The following LAMP1 variants were observed in gnomAD, a reference collection of about 807,000 sequenced individuals.
LAMP1 encodes lysosome associated membrane protein 1.
LAMP1 carries 7 observed loss-of-function variants against 37.5 expected under a neutral mutation model. That is an observed-to-expected ratio of 0.19 (90% CI 0.11 to 0.35). LAMP1 has a LOEUF of 0.35. Ranked by LOEUF, LAMP1 falls within the 10% of genes least tolerant of loss-of-function variation. LAMP1 has a pLI of 1.00. For synonymous variants in LAMP1, 236 were observed against 229.1 expected, an observed-to-expected ratio of 1.03 and a Z score of -0.27; for missense variants, 537 against 552.8, an observed-to-expected ratio of 0.97 and a Z score of 0.29.
chr13:113,301,627 TAAAAA>T (rs1161593860), intron 1 of LAMP1, among the ~76,000 whole-genome samples: 376 of 9,220 alleles, frequency 0.041, 4 homozygotes, highest in African/African-American at 0.07. Context: ...TGTTTCCATT[TAAAAA>T]AAAAAAAAAA....
At chr13:113,309,584 C>A in intron 2 of LAMP1, 59 bp from the exon 3 acceptor site, 1 of 1,321,154 alleles carries the variant, frequency 7.6e-7, no homozygotes, top group Non-Finnish European at 1.1e-6. Context: ...AAATCTCTTT[C>A]TTTGAACTTT....
intron 2 of LAMP1, 96 bp downstream of exon 2, chr13:113,306,702 A>G (rs2042600512): frequency 6.5e-6 from 9 of 1,393,824 alleles, no homozygotes; most frequent in South Asian, 2.6e-5. Flanking sequence ...CCCCATCTGA[A>G]CATGGTGCTT....
intron 1 of LAMP1, among the ~76,000 whole-genome samples, chr13:113,299,300 C>T (rs923529300): frequency 3.8e-4 from 57 of 150,960 alleles, no homozygotes; most frequent in Admixed American, 5.9e-4. Context: ...CGGAGTTGCT[C>T]TGTGCCCAGG....
rs199777509 is a variant in LAMP1, at chr13:113,310,858, AGCC to A, written c.555_557del (p.Ser185del). On this transcript the variant is annotated inframe_deletion, in exon 4 of 9. Transcript: ENST00000332556. ...GGCGTACCTTTCCAACAGCAGCTTCAGCCGGGGAGGTAGGACGCTGACCCTTGG... is the reference window on the plus strand; with the variant it reads ...GGCGTACCTTTCCAACAGCAGCTTCAGGGGAGGTAGGACGCTGACCCTTGG... The A allele has an allele frequency of 1.7e-3, 2,763 of 1,613,544 alleles. 50 individuals carry two copies. The African/African-American group carries it at 0.033, about 19-fold the overall frequency.
intron 4 of LAMP1, among the ~76,000 whole-genome samples, chr13:113,319,194 C>T (rs2042683370): frequency 6.6e-6 from 1 of 152,192 alleles, no homozygotes; most frequent in Admixed American, 6.5e-5. Context: ...GTGGGCGGTG[C>T]CTGCTGCCCA....
At chr13:113,303,270 A>G (rs145044297) in intron 1 of LAMP1, among the ~76,000 whole-genome samples, 104 of 152,322 alleles carry the variant, frequency 6.8e-4, no homozygotes, top group African/African-American at 2.4e-3. Context: ...AGAAGCACGC[A>G]TGCTTCCCAC....
At chr13:113,315,316 G>T (rs1173184161) in intron 4 of LAMP1, among the ~76,000 whole-genome samples, 3 of 151,834 alleles carry the variant, frequency 2.0e-5, no homozygotes. Flanking sequence ...TGCCTGGGGC[G>T]CGGCGTCCTG....
chr13:113,320,404 C>T lies in LAMP1; in HGVS notation c.810C>T (p.Gly270=), dbSNP rs373542595. Residue 270 remains glycine (G), a synonymous_variant, in exon 6 of 9, where the codon GGC becomes GGT. Coordinates refer to ENST00000332556, the MANE Select transcript of LAMP1 (RefSeq NM_005561.4). The surrounding 1 kb of genome is among the most constrained non-coding windows in gnomAD (Gnocchi z 4.4). ...PNKTSASGSC[G]AHLVTLELHS... ...AGACCTCGGCCAGCGGGAGCTGCGG[C>T]GCCCACCTGGTGACTCTGGAGCTGC... is the stretch of plus-strand genomic sequence containing the variant. The T allele has an allele frequency of 4.5e-5, 73 of 1,612,974 alleles. No individual in the cohort carries two copies. In the East Asian group the frequency reaches 6.9e-4, roughly 15 times the overall value.
rs957474994 is a variant in LAMP1, at chr13:113,297,990, C to A, written c.61+495C>A. ...GGGAGAAGCCGGTGCGAGCATTCCC[C>A]ACCTTTGTACTTGAACCTTTCTCCT... On this transcript the variant is annotated intron_variant, in intron 1 of 8. Coordinates refer to ENST00000332556, the MANE Select transcript of LAMP1 (RefSeq NM_005561.4). This position sits in a 1 kb window ranked among gnomAD's most constrained non-coding sequence, Gnocchi z 4.4. Among the ~76,000 whole-genome samples the A allele has an allele frequency of 6.6e-6, 1 of 152,202 alleles. No individual in the cohort carries two copies. Among genetic ancestry groups the A allele is most frequent in the Non-Finnish European group, 1.5e-5 (1 of 68,042 alleles).
intron 1 of LAMP1, among the ~76,000 whole-genome samples, chr13:113,302,503 A>G (rs545845454): frequency 2.6e-5 from 4 of 152,320 alleles, no homozygotes; most frequent in African/African-American, 9.6e-5. Flanking sequence ...CTAATTTTTT[A>G]AAATGAAGTT....
At chr13:113,319,032 G>A (rs1238824389) in intron 4 of LAMP1, among the ~76,000 whole-genome samples, 1 of 152,222 alleles carries the variant, frequency 6.6e-6, no homozygotes, top group African/African-American at 2.4e-5. Context: ...CAGTGTCTGA[G>A]TCGTCACCAT....
At chr13:113,300,486 C>CAAAAAAAAAAAA (rs781688099) in intron 1 of LAMP1, among the ~76,000 whole-genome samples, 3 of 60,236 alleles carry the variant, frequency 5.0e-5, no homozygotes, top group Non-Finnish European at 1.1e-4. Flanking sequence ...AACTCAATGT[C>CAAAAAAAAAAAA]AAAAAAAAAA....
At chr13:113,311,880 A>G (rs757923539) in intron 4 of LAMP1, among the ~76,000 whole-genome samples, 10 of 152,206 alleles carry the variant, frequency 6.6e-5, no homozygotes, top group Non-Finnish European at 1.3e-4. Context: ...CGAGCCTCAC[A>G]GTCCAGGTCA....
intron 4 of LAMP1, among the ~76,000 whole-genome samples, chr13:113,317,907 C>G (rs2042675362): frequency 6.6e-6 from 1 of 152,198 alleles, no homozygotes; most frequent in East Asian, 1.9e-4. Flanking sequence ...CCAGGCTGGC[C>G]TTGAACTCCT....
intron 2 of LAMP1, among the ~76,000 whole-genome samples, chr13:113,308,204 CG>C (rs1037847066): frequency 2.6e-4 from 39 of 151,404 alleles, no homozygotes; most frequent in African/African-American, 5.1e-4. Context: ...TTAGTAGAGA[CG>C]GGGTTTTGCT....
intron 1 of LAMP1, among the ~76,000 whole-genome samples, chr13:113,300,975 C>T (rs950237670): frequency 1.3e-5 from 2 of 152,192 alleles, no homozygotes; most frequent in Non-Finnish European, 2.9e-5. Flanking sequence ...AGCCCCATCC[C>T]AGACAACGTT....
At position 113,297,397 on chromosome 13, in the gene LAMP1, G is replaced by GC; in HGVS notation, c.-33dup. ...AGTCCGCGGCCCAACCGCCGCCCGCGCCCCCGCTCCCCGCACCGTACCCGG... is the reference window on the plus strand; with the variant it reads ...AGTCCGCGGCCCAACCGCCGCCCGCGCCCCCCGCTCCCCGCACCGTACCCGG... On this transcript the variant is annotated 5_prime_UTR_variant, in exon 1 of 9. Transcript: ENST00000332556. This position sits in a 1 kb window ranked among gnomAD's most constrained non-coding sequence, Gnocchi z 4.4. 1.7e-6 allele frequency: 1 copy of GC among 600,806 alleles called. No individual in the cohort carries two copies. The highest frequency in any genetic ancestry group is 5.9e-5 in the South Asian group (1 of 16,894). The allele number at this position is 600,806 out of a possible 1,614,324, so 37.2% of individuals were successfully genotyped here. A position where few individuals can be genotyped will look rare whatever the true frequency, so the allele number is the denominator to read the frequency against.
At chr13:113,319,893 C>T (rs2042688072) in intron 5 of LAMP1, among the ~76,000 whole-genome samples, 2 of 152,248 alleles carry the variant, frequency 1.3e-5, no homozygotes, top group Non-Finnish European at 2.9e-5. Flanking sequence ...CCAGCATGGC[C>T]TATTGGGCAG....
At chr13:113,301,475 T>C (rs1471861159) in intron 1 of LAMP1, among the ~76,000 whole-genome samples, 3 of 151,482 alleles carry the variant, frequency 2.0e-5, no homozygotes, top group Non-Finnish European at 4.4e-5. Context: ...CAAAAAAAAT[T>C]AGTCGGGCAT....
Sources: allele counts gnomAD v4.1 joint callset (sites outside exome capture counted in the v4.1 genomes callset), GRCh38; gene constraint gnomAD v4.1.1; non-coding constraint Gnocchi (gnomAD v3.1); transcripts MANE v1.5; gene names NCBI Gene and HGNC (gene_info 2026-07-23, HGNC 2026-07-21).